Variants in SSH2 observed in about 807,000 individuals in gnomAD.
SSH2 encodes the protein slingshot protein phosphatase 2.
A neutral mutation model predicts 135.2 loss-of-function variants in SSH2; 37 were observed. That is an observed-to-expected ratio of 0.27 (90% CI 0.21 to 0.36). SSH2 has a LOEUF of 0.36. SSH2 is among the 10% of genes least tolerant of loss of function. SSH2 has a pLI of 1.00. For missense variants in SSH2, 1,408 were observed against 1,765.3 expected, an observed-to-expected ratio of 0.80 and a Z score of 3.63; for synonymous variants, 628 against 646.2, an observed-to-expected ratio of 0.97 and a Z score of 0.43.
chr17:29,864,598 T>G (rs147674288), intron 1 of SSH2, among the ~76,000 whole-genome samples: 44 of 150,972 alleles, frequency 2.9e-4, no homozygotes, highest in African/African-American at 1.0e-3. Flanking sequence ...ACATTACTTG[T>G]AGTTGCAAAT....
At chr17:29,806,224 A>G (rs1429324367) in intron 2 of SSH2, among the ~76,000 whole-genome samples, 2 of 152,158 alleles carry the variant, frequency 1.3e-5, no homozygotes, top group Non-Finnish European at 2.9e-5. Flanking sequence ...CTTCATGATT[A>G]TTGTCTCATT....
In SSH2 at chr17:29,833,683, C is replaced by T. The variant is rs572797209; in HGVS notation, c.144+15166G>A. 7.9e-5 allele frequency among the ~76,000 whole-genome samples: 11 copies of T among 139,920 alleles called. No individual in the cohort carries two copies. The South Asian group carries it at 1.7e-3, about 22-fold the overall frequency. 91.8% of individuals were successfully genotyped at this position (139,920 alleles called of 152,430 possible). A position where few individuals can be genotyped will look rare whatever the true frequency, so the allele number is the denominator to read the frequency against. On this transcript the variant is annotated intron_variant, in intron 2 of 15. Transcript: ENST00000540801. Reference sequence around the variant, plus strand: ...TCCTTCCTTCCTTCTTTCCTTCCTCCCTCCCTCCCTTCCTTCCCTCCCTCT... The same window carrying T: ...TCCTTCCTTCCTTCTTTCCTTCCTCTCTCCCTCCCTTCCTTCCCTCCCTCT...
At chr17:29,733,635 A>G (rs2040271614) in intron 3 of SSH2, among the ~76,000 whole-genome samples, 1 of 152,216 alleles carries the variant, frequency 6.6e-6, no homozygotes, top group Non-Finnish European at 1.5e-5. Flanking sequence ...AATAGTTACC[A>G]AACAGAAACT....
chr17:29,902,175 T>C (rs1183201313), intron 1 of SSH2, among the ~76,000 whole-genome samples: 3 of 152,220 alleles, frequency 2.0e-5, no homozygotes, highest in South Asian at 2.1e-4. Flanking sequence ...CTGAAAGATA[T>C]GATACATGAA....
chr17:29,699,871 G>A (rs760818408), intron 4 of SSH2, among the ~76,000 whole-genome samples: 1 of 152,184 alleles, frequency 6.6e-6, no homozygotes, highest in Non-Finnish European at 1.5e-5. Flanking sequence ...CTGGGCACTG[G>A]GGAGGAAGGT....
At chr17:29,677,792 A>T (rs1361828850) in intron 6 of SSH2, 51 bp from the exon 7 acceptor site, 1 of 1,450,164 alleles carries the variant, frequency 6.9e-7, no homozygotes, top group Non-Finnish European at 9.7e-7. Flanking sequence ...TCTGGGAAGC[A>T]GTCTTCTGTT....
At chr17:29,683,257 C>G (rs2038059141) in intron 6 of SSH2, among the ~76,000 whole-genome samples, 1 of 152,100 alleles carries the variant, frequency 6.6e-6, no homozygotes, top group African/African-American at 2.4e-5. Context: ...TTAGCAGCCA[C>G]ATTCCAAAGT....
chr17:29,638,345 G>A (rs1383730141), intron 14 of SSH2, among the ~76,000 whole-genome samples: 3 of 147,800 alleles, frequency 2.0e-5, no homozygotes, highest in Non-Finnish European at 4.5e-5. Flanking sequence ...TGATATACAA[G>A]GTATACTATT....
intron 1 of SSH2, among the ~76,000 whole-genome samples, chr17:29,880,145 C>T (rs1362215574): frequency 6.6e-6 from 1 of 152,122 alleles, no homozygotes; most frequent in Non-Finnish European, 1.5e-5. Context: ...ACATGTTTGG[C>T]ACTCTGCTGA....
Position 29,627,060 on chromosome 17 carries a change from A to C in SSH2, c.*3781T>G, listed in dbSNP as rs1348471981. ...CGGAAGTCAGCTTCAGCGTATACCC[A>C]CTTACTCACAAGGGCTGACCATGAT... On this transcript the variant is annotated 3_prime_UTR_variant, in exon 16 of 16. Coordinates refer to ENST00000540801, the MANE Select transcript of SSH2 (RefSeq NM_001282129.2). 1 of 152,390 alleles carries C rather than the reference A, an allele frequency of 6.6e-6. No individual in the cohort carries two copies. The highest frequency in any genetic ancestry group is 6.6e-5 in the Admixed American group (1 of 15,264). The allele number at this position is 152,390 out of a possible 1,614,324, so 9.4% of individuals were successfully genotyped here. A position where few individuals can be genotyped will look rare whatever the true frequency, so the allele number is the denominator to read the frequency against.
chr17:29,806,473 T>C (rs1346270162), intron 2 of SSH2, among the ~76,000 whole-genome samples: 1 of 152,218 alleles, frequency 6.6e-6, no homozygotes, highest in Non-Finnish European at 1.5e-5. Flanking sequence ...CAGATCCCAC[T>C]TTCTGAAGAC....
chr17:29,700,881 C>T (rs1338557818), intron 4 of SSH2, among the ~76,000 whole-genome samples: 1 of 152,174 alleles, frequency 6.6e-6, no homozygotes, highest in Admixed American at 6.5e-5. Context: ...CCTCCATCTC[C>T]CAGGTTCCAG....
intron 1 of SSH2, among the ~76,000 whole-genome samples, chr17:29,880,176 C>A (rs1226552681): frequency 6.6e-6 from 1 of 152,186 alleles, no homozygotes; most frequent in Non-Finnish European, 1.5e-5. Flanking sequence ...GGATAAAGTG[C>A]AGTGACACAA....
At chr17:29,915,822 A>T (rs1348377951) in intron 1 of SSH2, among the ~76,000 whole-genome samples, 1 of 151,566 alleles carries the variant, frequency 6.6e-6, no homozygotes, top group Non-Finnish European at 1.5e-5. Context: ...ATTTTTTTAA[A>T]TTTTTTATAT....
intron 3 of SSH2, among the ~76,000 whole-genome samples, chr17:29,709,080 T>G (rs2151142200): frequency 6.7e-6 from 1 of 148,682 alleles, no homozygotes; most frequent in Non-Finnish European, 1.5e-5. Context: ...CAACTAGATA[T>G]CTACTGTATG....
chr17:29,688,521 T>C (rs2038325484), intron 5 of SSH2, among the ~76,000 whole-genome samples: 1 of 152,070 alleles, frequency 6.6e-6, no homozygotes, highest in Non-Finnish European at 1.5e-5. Context: ...TTACCCAGGC[T>C]GGAATGCAGT....
At chr17:29,719,128 C>G (rs961779821) in intron 3 of SSH2, among the ~76,000 whole-genome samples, 1 of 152,192 alleles carries the variant, frequency 6.6e-6, no homozygotes, top group Admixed American at 6.5e-5. Context: ...CTCTGACTCT[C>G]TAAAAGATCA....
At chr17:29,676,645 C>T (rs1471324080) in intron 8 of SSH2, 175 bp downstream of exon 8, 3 of 543,488 alleles carry the variant, frequency 5.5e-6, no homozygotes, top group Non-Finnish European at 9.9e-6. Flanking sequence ...TACTCAAGGC[C>T]TTCCAATTGC....
At chr17:29,721,113 A>C (rs1326037271) in intron 3 of SSH2, among the ~76,000 whole-genome samples, 1 of 152,238 alleles carries the variant, frequency 6.6e-6, no homozygotes. Context: ...GGAGCTGGGG[A>C]CAAAGAGATC....
Sources: gnomAD v4.1 joint callset for allele counts (sites outside exome capture counted in the v4.1 genomes callset) on GRCh38, gnomAD v4.1.1 for gene constraint, MANE v1.5 for transcripts, NCBI Gene and HGNC (gene_info 2026-07-23, HGNC 2026-07-21) for gene names.